SLC23A2: variants seen among roughly 807,000 people sequenced by gnomAD.
SLC23A2 encodes the protein Na(+)/L-ascorbic acid transporter 2.
SLC23A2 carries 36 observed loss-of-function variants against 73.3 expected under a neutral mutation model. The observed-to-expected ratio is 0.49, with a 90% confidence interval of 0.38 to 0.65. The LOEUF (loss-of-function observed/expected upper bound fraction) is 0.65, where lower values mean the gene tolerates loss of function less well. Ranked by LOEUF, SLC23A2 falls within the 30% of genes least tolerant of loss-of-function variation. The pLI is 0.00. For synonymous variants in SLC23A2, 343 were observed against 327.3 expected (o/e 1.05, Z -0.52); for missense variants, 507 against 841.6 (o/e 0.60, Z 4.92).
chr20:4,887,388 T>C (rs757296471), intron 6 of SLC23A2, among the ~76,000 whole-genome samples: 26 of 152,130 alleles, frequency 1.7e-4, no homozygotes, highest in Non-Finnish European at 1.3e-4. Flanking sequence ...TGGTTTACCA[T>C]GGTTTCAGAC....
intron 1 of SLC23A2, among the ~76,000 whole-genome samples, chr20:4,988,868 G>A (rs780256081): frequency 3.3e-5 from 5 of 151,930 alleles, no homozygotes; most frequent in South Asian, 4.2e-4. Flanking sequence ...CCAAGATTGC[G>A]CCATTGCACT....
At chr20:4,905,674 G>C (rs982232918) in intron 4 of SLC23A2, among the ~76,000 whole-genome samples, 42 of 152,292 alleles carry the variant, frequency 2.8e-4, no homozygotes, top group African/African-American at 9.6e-4. Flanking sequence ...TATTTATCTA[G>C]TCTAGCACCT....
chr20:4,994,676 G>A (rs1204097332), intron 1 of SLC23A2, among the ~76,000 whole-genome samples: 3 of 151,882 alleles, frequency 2.0e-5, no homozygotes, highest in Non-Finnish European at 4.4e-5. Context: ...CAGAAGAATC[G>A]CTTGAACCCA....
chr20:4,946,386 C>A (rs1043590537), intron 2 of SLC23A2, among the ~76,000 whole-genome samples: 2 of 152,164 alleles, frequency 1.3e-5, no homozygotes, highest in Non-Finnish European at 2.9e-5. Flanking sequence ...AAAATGGGTT[C>A]TCAGGTCCTC....
intron 2 of SLC23A2, among the ~76,000 whole-genome samples, chr20:4,948,204 G>A (rs1485833391): frequency 6.6e-6 from 1 of 152,202 alleles, no homozygotes; most frequent in Non-Finnish European, 1.5e-5. Flanking sequence ...TTCAGACCAT[G>A]TCATTCTCCA....
intron 9 of SLC23A2, among the ~76,000 whole-genome samples, chr20:4,876,299 C>T (rs188476208): frequency 1.3e-5 from 2 of 152,256 alleles, no homozygotes; most frequent in East Asian, 3.9e-4. Flanking sequence ...AGGCAACACA[C>T]CTGCACATTT....
At chr20:4,915,615 T>C (rs982571502) in intron 3 of SLC23A2, among the ~76,000 whole-genome samples, 2 of 152,136 alleles carry the variant, frequency 1.3e-5, no homozygotes, top group African/African-American at 4.8e-5. Flanking sequence ...TCATTCAAGG[T>C]CATACAGATT....
intron 2 of SLC23A2, among the ~76,000 whole-genome samples, chr20:4,935,186 C>CAAAA (rs34200051): frequency 5.2e-4 from 35 of 67,934 alleles, no homozygotes; most frequent in East Asian, 1.8e-3. Flanking sequence ...GACTCCGTCT[C>CAAAA]AAAAAAAAAA....
intron 3 of SLC23A2, among the ~76,000 whole-genome samples, chr20:4,928,968 TG>T (rs754798804): frequency 3.3e-5 from 5 of 152,332 alleles, no homozygotes; most frequent in South Asian, 4.1e-4. Context: ...GAAACATGTA[TG>T]GGCTGGGCAC....
intron 13 of SLC23A2, among the ~76,000 whole-genome samples, chr20:4,866,920 A>C (rs72552205): frequency 0.069 from 10,534 of 152,026 alleles, 440 homozygotes; most frequent in Non-Finnish European, 0.092. Flanking sequence ...TCATGGTCTT[A>C]GTTTCACAAC....
chr20:4,995,136 C>G (rs1361969255), intron 1 of SLC23A2, among the ~76,000 whole-genome samples: 2 of 151,984 alleles, frequency 1.3e-5, no homozygotes, highest in Non-Finnish European at 2.9e-5. Context: ...TGTATATATT[C>G]ACTTGAACAA....
chr20:4,983,646 TAAAAA>T (rs35983102), intron 1 of SLC23A2, among the ~76,000 whole-genome samples: 2 of 86,192 alleles, frequency 2.3e-5, no homozygotes, highest in African/African-American at 9.3e-5. Flanking sequence ...ACTCCGTCTT[TAAAAA>T]AAAAAAAAAA....
intron 1 of SLC23A2, among the ~76,000 whole-genome samples, chr20:4,985,516 C>T (rs1478842384): frequency 1.3e-5 from 2 of 151,360 alleles, no homozygotes; most frequent in Non-Finnish European, 2.9e-5. Flanking sequence ...AGCATGATCT[C>T]GGCTCACTGC....
intron 13 of SLC23A2, among the ~76,000 whole-genome samples, chr20:4,864,462 C>T (rs767143892): frequency 6.6e-6 from 1 of 152,190 alleles, no homozygotes; most frequent in Non-Finnish European, 1.5e-5. Flanking sequence ...TGCCCCACAC[C>T]ACAGACGGCA....
At chr20:4,952,968 A>G in intron 2 of SLC23A2, among the ~76,000 whole-genome samples, 1 of 151,614 alleles carries the variant, frequency 6.6e-6, no homozygotes, top group Non-Finnish European at 1.5e-5. Flanking sequence ...GGTTGCAGGG[A>G]GCCGAAATTG....
At chr20:4,931,072 A>G (rs1000999787) in intron 3 of SLC23A2, among the ~76,000 whole-genome samples, 12 of 118,378 alleles carry the variant, frequency 1.0e-4, no homozygotes, top group Non-Finnish European at 1.8e-4. Context: ...TTTTAAGAAA[A>G]AAAAAAAAAA....
intron 2 of SLC23A2, among the ~76,000 whole-genome samples, chr20:4,963,127 A>C (rs1239144895): frequency 6.6e-6 from 1 of 152,188 alleles, no homozygotes; most frequent in Non-Finnish European, 1.5e-5. Flanking sequence ...GAGAATGTAA[A>C]TATCAATTCC....
At chr20:4,918,775 T>A (rs567149710) in intron 3 of SLC23A2, among the ~76,000 whole-genome samples, 1 of 152,308 alleles carries the variant, frequency 6.6e-6, no homozygotes, top group East Asian at 1.9e-4. Context: ...CAGAACTCAA[T>A]TTCCCACTTA....
chr20:4,957,129 G>A (rs535007749), intron 2 of SLC23A2, among the ~76,000 whole-genome samples: 64 of 151,978 alleles, frequency 4.2e-4, no homozygotes, highest in Middle Eastern at 3.4e-3. Context: ...CTTACTGGCT[G>A]CAGGAACCAC....
Sources: allele counts gnomAD v4.1 joint callset (sites outside exome capture counted in the v4.1 genomes callset), GRCh38; gene constraint gnomAD v4.1.1; transcripts MANE v1.5; gene names NCBI Gene and HGNC (gene_info 2026-07-23, HGNC 2026-07-21).